Variants in C3orf85 observed in about 807,000 individuals in gnomAD.
C3orf85 encodes uncharacterized protein C3orf85.
A neutral mutation model predicts 1.7 loss-of-function variants in C3orf85; 1 was observed. The observed-to-expected ratio is 0.60, with a 90% CI of 0.21 to 2.86. The LOEUF (loss-of-function observed/expected upper bound fraction) is 2.86. Among genes scored for constraint, C3orf85 ranks in the 30% most tolerant of loss-of-function variants. The probability of loss-of-function intolerance (pLI) is 0.22; values close to 1 mark genes in which losing one functional copy is unlikely to be tolerated. For synonymous variants in C3orf85, 17 were observed against 8.0 expected, an observed-to-expected ratio of 2.13 and a Z score of -1.90; for missense variants, 29 against 21.3, an observed-to-expected ratio of 1.36 and a Z score of -0.72.
Position 109,151,158 on chromosome 3 carries a change from A to T in C3orf85, c.*1264A>T, listed in dbSNP as rs779007496. Reference sequence around the variant, plus strand: ...TTACATCTGAACAAACAAAACAAAGATGATGAATCATTTAGTTTTGCAGTG... The same window carrying T: ...TTACATCTGAACAAACAAAACAAAGTTGATGAATCATTTAGTTTTGCAGTG... On this transcript the variant is annotated 3_prime_UTR_variant, in exon 4 of 4. Transcript: ENST00000622536. Among the ~76,000 whole-genome samples the T allele has an allele frequency of 6.6e-6, 1 of 152,242 alleles. No individual in the cohort carries two copies. The highest frequency in any genetic ancestry group is 1.5e-5 in the Non-Finnish European group (1 of 68,044).
At chr3:109,138,457 T>C (rs1213369038) in intron 2 of C3orf85, among the ~76,000 whole-genome samples, 1 of 152,244 alleles carries the variant, frequency 6.6e-6, no homozygotes, top group Non-Finnish European at 1.5e-5. Context: ...GAATGAACTT[T>C]CTTTGCTTCT....
At chr3:109,138,234 T>C (rs1453534100) in intron 2 of C3orf85, among the ~76,000 whole-genome samples, 1 of 152,188 alleles carries the variant, frequency 6.6e-6, no homozygotes, top group Non-Finnish European at 1.5e-5. Flanking sequence ...AGTTATCTAG[T>C]TGAAGTTTAT....
intron 2 of C3orf85, among the ~76,000 whole-genome samples, chr3:109,145,568 T>C (rs1192402118): frequency 6.6e-6 from 1 of 152,202 alleles, no homozygotes; most frequent in Non-Finnish European, 1.5e-5. Context: ...TACAAAACAC[T>C]GTAGATGTAT....
Sources: gnomAD v4.1 joint callset for allele counts (sites outside exome capture counted in the v4.1 genomes callset) on GRCh38, gnomAD v4.1.1 for gene constraint, MANE v1.5 for transcripts, NCBI Gene and HGNC (gene_info 2026-07-23, HGNC 2026-07-21) for gene names.